PCDHA6: variants seen among roughly 807,000 people sequenced by gnomAD.
PCDHA6 encodes protocadherin alpha 6.
A neutral mutation model predicts 60.3 loss-of-function variants in PCDHA6; 55 were observed. That is an observed-to-expected ratio of 0.91 (90% CI 0.73 to 1.14). The LOEUF (loss-of-function observed/expected upper bound fraction) is 1.14, where lower values mean the gene tolerates loss of function less well. Ranked by LOEUF, PCDHA6 falls within the 50% of genes most tolerant of loss-of-function variation. The pLI is 0.00. For missense variants in PCDHA6, 1,327 were observed against 1,256.5 expected (o/e 1.06, Z -0.85); for synonymous variants, 652 against 557.9 (o/e 1.17, Z -2.38).
chr5:140,843,464 C>T lies in PCDHA6; in HGVS notation c.2394+12979C>T. On this transcript the variant is annotated intron_variant, in intron 1 of 3. Transcript: ENST00000529310. ...GGTATCCAGCCTGCTGGTGCTCACG[C>T]TGCTGCTGTACACTGCGCTGCGGTG... 3.1e-6 allele frequency: 5 copies of T among 1,596,058 alleles called. 1 individual carries two copies. The highest frequency in any genetic ancestry group is 4.3e-6 in the Non-Finnish European group (5 of 1,165,644).
chr5:140,858,072 C>T, intron 1 of PCDHA6: 1 of 1,597,752 alleles, frequency 6.3e-7, no homozygotes, highest in Non-Finnish European at 8.6e-7. Context: ...AGCCAGGCAC[C>T]CAAGGCCTCG....
chr5:140,935,952 G>C (rs1554210758), intron 1 of PCDHA6, among the ~76,000 whole-genome samples: 3 of 148,522 alleles, frequency 2.0e-5, no homozygotes, highest in Non-Finnish European at 4.4e-5. Flanking sequence ...GAGTAAAGTG[G>C]TACAATCTTG....
At position 140,857,333 on chromosome 5, in the gene PCDHA6, G is replaced by C. The variant is rs200210897; in HGVS notation, c.2394+26848G>C. On this transcript the variant is annotated intron_variant, in intron 1 of 3. Coordinates refer to ENST00000529310, the MANE Select transcript of PCDHA6 (RefSeq NM_018909.4). Reference sequence around the variant, plus strand: ...TGAGCTGGTGGTGACCGCGCGGGACGGGGGCTCGCCTCCGCTGTGGGCCAC... The same window carrying C: ...TGAGCTGGTGGTGACCGCGCGGGACCGGGGCTCGCCTCCGCTGTGGGCCAC... 1.4e-4 allele frequency: 230 copies of C among 1,598,472 alleles called. 32 individuals are homozygous for C. The highest frequency in any genetic ancestry group is 1.8e-4 in the Non-Finnish European group (207 of 1,167,970).
At chr5:140,843,795 T>C in intron 1 of PCDHA6, 2 of 1,353,268 alleles carry the variant, frequency 1.5e-6, no homozygotes, top group Non-Finnish European at 2.0e-6. Flanking sequence ...AGATTTAGTT[T>C]TTCACCGTAT....
At chr5:140,928,032 TAGTGC>T (rs782031018) in intron 1 of PCDHA6, 7 of 1,614,216 alleles carry the variant, frequency 4.3e-6, no homozygotes, top group Non-Finnish European at 5.9e-6. Context: ...GTGGCATGTC[TAGTGC>T]AGGCCCTTTT....
chr5:140,963,496 A>C (rs1554226617), intron 1 of PCDHA6, among the ~76,000 whole-genome samples: 2 of 152,232 alleles, frequency 1.3e-5, no homozygotes, highest in African/African-American at 2.4e-5. Context: ...TGAGGAAACA[A>C]ATCTCTTGAA....
At chr5:140,967,362 C>A (rs1385889243) in intron 1 of PCDHA6, 2 of 1,607,452 alleles carry the variant, frequency 1.2e-6, no homozygotes, top group East Asian at 2.2e-5. Flanking sequence ...GACCTTAAGC[C>A]CCTGCAGGAG....
At chr5:140,850,194 A>G (rs1581216724) in intron 1 of PCDHA6, 2 of 1,592,988 alleles carry the variant, frequency 1.3e-6, no homozygotes, top group East Asian at 2.3e-5. Context: ...GGCGCTGCTG[A>G]CACCTCGGAT....
chr5:140,841,833 G>A (rs2150323883), intron 1 of PCDHA6: 2 of 1,613,938 alleles, frequency 1.2e-6, no homozygotes, highest in South Asian at 2.2e-5. Context: ...TTAACCTACA[G>A]GCTTAGCTCT....
intron 1 of PCDHA6, chr5:140,866,543 G>A (rs1329299752): frequency 3.3e-5 from 5 of 152,066 alleles, no homozygotes; most frequent in South Asian, 2.1e-4. Context: ...TTAGCATCAC[G>A]GAATAAATCC....
chr5:140,834,823 C>T, intron 1 of PCDHA6: 1 of 1,612,142 alleles, frequency 6.2e-7, no homozygotes, highest in South Asian at 1.1e-5. Flanking sequence ...GAATCCAGGC[C>T]GCTTGACTCT....
intron 1 of PCDHA6, chr5:140,884,065 C>G (rs377441374): frequency 1.1e-5 from 17 of 1,613,346 alleles, no homozygotes; most frequent in Admixed American, 6.7e-5. Flanking sequence ...CGGTGGACGC[C>G]GATTCGGGCT....
At chr5:140,962,932 TC>T (rs1188109186) in intron 1 of PCDHA6, among the ~76,000 whole-genome samples, 20 of 152,266 alleles carry the variant, frequency 1.3e-4, no homozygotes, top group African/African-American at 4.3e-4. Flanking sequence ...CTTCTCAACC[TC>T]CTCTCCATAA....
chr5:140,919,709 G>T (rs782509447), intron 1 of PCDHA6, among the ~76,000 whole-genome samples: 5 of 152,076 alleles, frequency 3.3e-5, no homozygotes, highest in Non-Finnish European at 7.4e-5. Context: ...CTTAATTCTA[G>T]TGAGATATAA....
chr5:140,883,868 C>G lies in PCDHA6; in HGVS notation c.2394+53383C>G, dbSNP rs782022578. ...CGAGGAGCTGGAGCTGTTGCAGTTC[C>G]AGGTGAGCGCGCGCGACTCTGGCGT... On this transcript the variant is annotated intron_variant, in intron 1 of 3. Coordinates refer to ENST00000529310, the MANE Select transcript of PCDHA6 (RefSeq NM_018909.4). 9.9e-6 allele frequency: 16 copies of G among 1,613,048 alleles called. No homozygotes were observed. The Admixed American group carries it at 2.5e-4, about 25-fold the overall frequency.
chr5:140,927,734 G>A, intron 1 of PCDHA6: 1 of 1,614,196 alleles, frequency 6.2e-7, no homozygotes, highest in Non-Finnish European at 8.5e-7. Context: ...GCAGAGCTGC[G>A]ACACCGCTTT....
chr5:140,838,092 G>C (rs1775529438), intron 1 of PCDHA6, among the ~76,000 whole-genome samples: 1 of 140,050 alleles, frequency 7.1e-6, no homozygotes, highest in Admixed American at 7.0e-5. Context: ...GTGTGTGTGT[G>C]TGTGTGTGTG....
intron 1 of PCDHA6, chr5:140,876,854 C>CA (rs1554169042): frequency 6.2e-7 from 1 of 1,613,994 alleles, no homozygotes; most frequent in Non-Finnish European, 8.5e-7. Context: ...CCCGAGTACA[C>CA]AGTGTTCGTG....
In PCDHA6 at chr5:141,010,480, A is replaced by C; in HGVS notation, c.*543A>C. The C allele has an allele frequency of 1.4e-6, 1 of 696,098 alleles. No individual in the cohort carries two copies. Among genetic ancestry groups the C allele is most frequent in the Non-Finnish European group, 2.2e-6 (1 of 452,208 alleles). 43.1% of individuals were successfully genotyped at this position (696,098 alleles called of 1,614,324 possible). A position where few individuals can be genotyped will look rare whatever the true frequency, so the allele number is the denominator to read the frequency against. On this transcript the variant is annotated 3_prime_UTR_variant, in exon 4 of 4. Transcript: ENST00000529310. ...TTATCAGTATGGAGGGGAAGTGTAA[A>C]CTTAAAGGGACCAGACTTTCTAAAT...
Sources: gnomAD v4.1 joint callset for allele counts (sites outside exome capture counted in the v4.1 genomes callset) on GRCh38, gnomAD v4.1.1 for gene constraint, MANE v1.5 for transcripts, NCBI Gene and HGNC (gene_info 2026-07-23, HGNC 2026-07-21) for gene names.